STARD13: variants seen among roughly 807,000 people sequenced by gnomAD.
STARD13 encodes stAR-related lipid transfer protein 13.
Under a neutral mutation model 106.4 loss-of-function variants are expected in STARD13, and 62 were observed. That is an observed-to-expected ratio of 0.58 (90% CI 0.48 to 0.72). The LOEUF (loss-of-function observed/expected upper bound fraction) is 0.72, where lower values mean the gene tolerates loss of function less well. STARD13 is among the 30% of genes least tolerant of loss of function. The probability of loss-of-function intolerance (pLI) is 0.00; values close to 1 mark genes in which losing one functional copy is unlikely to be tolerated. For missense variants in STARD13, 1,387 were observed against 1,424.0 expected (o/e 0.97, Z 0.42); for synonymous variants, 565 against 553.0 (o/e 1.02, Z -0.31).
the STARD13 span, among the ~76,000 whole-genome samples, chr13:33,501,569 T>TAAGG: frequency 3.3e-5 from 5 of 152,168 alleles, no homozygotes; most frequent in Admixed American, 1.3e-4. Flanking sequence ...GTGTAAGGTG[T>TAAGG]AAGGAAGGGA....
At chr13:33,547,352 C>T in the STARD13 span, among the ~76,000 whole-genome samples, 4 of 152,290 alleles carry the variant, frequency 2.6e-5, no homozygotes, top group South Asian at 8.3e-4. Flanking sequence ...CCCCAATGAA[C>T]ATTCCTACTG....
At chr13:33,535,760 T>C in the STARD13 span, among the ~76,000 whole-genome samples, 1 of 152,234 alleles carries the variant, frequency 6.6e-6, no homozygotes, top group Non-Finnish European at 1.5e-5. Context: ...TATTGGTGTT[T>C]TGGGGATAAA....
chr13:33,587,073 G>A, the STARD13 span, among the ~76,000 whole-genome samples: 1 of 152,030 alleles, frequency 6.6e-6, no homozygotes, highest in Non-Finnish European at 1.5e-5. Context: ...AAAACTAGCT[G>A]GGTGTGGTGG....
At chr13:33,489,793 A>G in the STARD13 span, among the ~76,000 whole-genome samples, 2 of 152,160 alleles carry the variant, frequency 1.3e-5, no homozygotes, top group African/African-American at 4.8e-5. Context: ...TCTTTTCTTT[A>G]TCTCTGCCCA....
rs1877121998 is a variant in STARD13, at chr13:33,126,094, T to C, written c.2069A>G (p.Asn690Ser). 1 of 1,613,944 alleles carries C rather than the reference T, an allele frequency of 6.2e-7. No individual in the cohort carries two copies. The highest frequency in any genetic ancestry group is 1.3e-5 in the African/African-American group (1 of 75,038). The change falls in exon 7 of 14, where the codon AAC (asparagine) becomes AGC (serine). Residue 690 changes from asparagine (N) to serine (S), a missense_variant. Transcript: ENST00000336934. The part of the protein sequence containing the change: ...IQQALRYLRS[N>S]CLDQVGLFRK... ...TTACAGCCCTACCTGATCGAGGCAG[T>C]TGCTGCGTAGATATCTCAGTGCTTG...
chr13:33,416,227 G>A, the STARD13 span, among the ~76,000 whole-genome samples: 3 of 152,166 alleles, frequency 2.0e-5, no homozygotes, highest in Non-Finnish European at 4.4e-5. Context: ...AAAAGAAAAA[G>A]CAGAGGAATT....
intron 3 of STARD13, 47 bp downstream of exon 3, chr13:33,165,290 T>G (rs17596765): frequency 0.12 from 169,282 of 1,401,530 alleles, 11,843 homozygotes; most frequent in South Asian, 0.25. Context: ...TGATGCCTGT[T>G]GCAGACTGAA....
At chr13:33,229,644 T>C (rs898946351) in intron 1 of STARD13, among the ~76,000 whole-genome samples, 16 of 152,034 alleles carry the variant, frequency 1.1e-4, no homozygotes, top group Admixed American at 2.6e-4. Flanking sequence ...TCTAGTCTAT[T>C]TACAGAAATG....
chr13:33,485,871 G>T, the STARD13 span, among the ~76,000 whole-genome samples: 1 of 152,302 alleles, frequency 6.6e-6, no homozygotes, highest in East Asian at 1.9e-4. Flanking sequence ...ATGCAGAGAT[G>T]CAAGAAGAAA....
chr13:33,242,902 C>T (rs972718101), intron 1 of STARD13, among the ~76,000 whole-genome samples: 2 of 152,082 alleles, frequency 1.3e-5, no homozygotes, highest in Middle Eastern at 3.2e-3. Flanking sequence ...GTTCTTAGAG[C>T]TTCCTAGTAA....
chr13:33,630,095 C>T, the STARD13 span, among the ~76,000 whole-genome samples: 1 of 152,178 alleles, frequency 6.6e-6, no homozygotes, highest in African/African-American at 2.4e-5. Flanking sequence ...TTCAAGCTTG[C>T]TTTTATGGAC....
the STARD13 span, among the ~76,000 whole-genome samples, chr13:33,410,245 TA>T: frequency 7.9e-3 from 1,208 of 152,340 alleles, 15 homozygotes; most frequent in African/African-American, 0.025. Flanking sequence ...TATTCTAGGA[TA>T]ATCTGCCACC....
intron 7 of STARD13, among the ~76,000 whole-genome samples, chr13:33,120,409 A>T (rs768016805): frequency 5.3e-5 from 8 of 152,158 alleles, no homozygotes; most frequent in Non-Finnish European, 1.0e-4. Flanking sequence ...TATTTTAGAC[A>T]TGTCTGCAGC....
intron 1 of STARD13, among the ~76,000 whole-genome samples, chr13:33,220,771 AG>A (rs1482458311): frequency 1.3e-5 from 2 of 152,250 alleles, no homozygotes; most frequent in Non-Finnish European, 2.9e-5. Context: ...AAAGTCATCC[AG>A]GTTCTGATTC....
chr13:33,414,659 T>G, the STARD13 span, among the ~76,000 whole-genome samples: 3 of 151,960 alleles, frequency 2.0e-5, no homozygotes, highest in African/African-American at 7.3e-5. Flanking sequence ...GGGAGGGAAG[T>G]GGATGTGACT....
At chr13:33,368,765 C>A in the STARD13 span, among the ~76,000 whole-genome samples, 1 of 152,150 alleles carries the variant, frequency 6.6e-6, no homozygotes, top group Non-Finnish European at 1.5e-5. Flanking sequence ...GGCAGGCCAA[C>A]TAACCCTCCT....
intron 1 of STARD13, among the ~76,000 whole-genome samples, chr13:33,202,810 G>A (rs541244150): frequency 6.6e-6 from 1 of 152,244 alleles, no homozygotes; most frequent in East Asian, 1.9e-4. Flanking sequence ...TAATAGTGAA[G>A]TCATCTGGTG....
the STARD13 span, among the ~76,000 whole-genome samples, chr13:33,586,935 C>G: frequency 6.6e-6 from 1 of 152,112 alleles, no homozygotes. Flanking sequence ...CCTAGTTGGC[C>G]GAGCACGGTG....
At chr13:33,549,696 G>C in the STARD13 span, among the ~76,000 whole-genome samples, 1 of 152,156 alleles carries the variant, frequency 6.6e-6, no homozygotes, top group Non-Finnish European at 1.5e-5. Flanking sequence ...CCGCATTATT[G>C]CTGGTAAAAA....
Sources: gnomAD v4.1 joint callset for allele counts (sites outside exome capture counted in the v4.1 genomes callset) on GRCh38, gnomAD v4.1.1 for gene constraint, MANE v1.5 for transcripts, NCBI Gene and HGNC (gene_info 2026-07-23, HGNC 2026-07-21) for gene names.